The following PHLDB2 variants were observed in gnomAD, a reference collection of about 807,000 sequenced individuals.
The protein encoded by PHLDB2 is pleckstrin homology-like domain family B member 2.
Under a neutral mutation model 123.6 loss-of-function variants are expected in PHLDB2, and 71 were observed. The ratio of observed to expected loss-of-function variants is 0.57; its 90% CI spans 0.47 to 0.70. The LOEUF (loss-of-function observed/expected upper bound fraction) is 0.70, where lower values mean the gene tolerates loss of function less well. PHLDB2 is among the 30% of genes least tolerant of loss of function. PHLDB2 has a pLI of 0.00. For missense variants in PHLDB2, 1,446 were observed against 1,519.5 expected, an observed-to-expected ratio of 0.95 and a Z score of 0.80; for synonymous variants, 547 against 541.6, an observed-to-expected ratio of 1.01 and a Z score of -0.14.
intron 7 of PHLDB2, among the ~76,000 whole-genome samples, chr3:111,940,244 T>TGTAAAAAATTCATC (rs2069783372): frequency 6.6e-6 from 1 of 152,230 alleles, no homozygotes; most frequent in Admixed American, 6.5e-5. Flanking sequence ...CCCAAGATGT[T>TGTAAAAAATTCATC]GTAAAAAATT....
rs114115901 is a variant in PHLDB2, at chr3:111,901,763, T to A, written c.1336-11556T>A. On this transcript the variant is annotated intron_variant, in intron 2 of 17. Coordinates refer to ENST00000431670, the MANE Select transcript of PHLDB2 (RefSeq NM_001134438.2). The stretch of plus-strand genomic sequence containing the variant: ...TCTTTAATGGTGAAGAGCAATAGCA[T>A]AATTTCTTTAACAGAATGGGCTCAG... 1.8e-3 allele frequency among the ~76,000 whole-genome samples: 279 copies of A among 152,326 alleles called. 3 individuals are homozygous for A. Among genetic ancestry groups the A allele is most frequent in the African/African-American group, 6.4e-3 (264 of 41,574 alleles).
chr3:111,738,326 G>A (rs1412757350), intron 1 of PHLDB2, among the ~76,000 whole-genome samples: 1 of 152,048 alleles, frequency 6.6e-6, no homozygotes, highest in Non-Finnish European at 1.5e-5. Context: ...AGGCATCCTA[G>A]GCCTGACATC....
chr3:111,764,287 C>T (rs900953848), intron 1 of PHLDB2, among the ~76,000 whole-genome samples: 2 of 152,184 alleles, frequency 1.3e-5, no homozygotes, highest in African/African-American at 4.8e-5. Flanking sequence ...CAAAGAAATC[C>T]ATTAAGTAAG....
chr3:111,884,685 C>G lies in PHLDB2; in HGVS notation c.608C>G (p.Ser203Ter). 1 of 1,614,148 alleles carries G rather than the reference C, an allele frequency of 6.2e-7. No individual in the cohort carries two copies. Among genetic ancestry groups the G allele is most frequent in the South Asian group, 1.1e-5 (1 of 91,068 alleles). ...AGATCGGGAGCCGCAAGCATGCCTT[C>G]AAGCCCAAAGCAAGCCAGGAAAATG... ...ISRSGAASMPSSPKQARKMSI... is the reference protein window; with the variant it reads ...ISRSGAASMP The change falls in exon 2 of 18, where the codon TCA becomes TGA. Residue 203 changes from serine (S) to a stop codon, truncating the protein, a stop_gained. Transcript: ENST00000431670. LOFTEE classifies it high-confidence loss of function.
intron 1 of PHLDB2, among the ~76,000 whole-genome samples, chr3:111,818,394 T>C (rs2062202019): frequency 6.6e-6 from 1 of 152,184 alleles, no homozygotes; most frequent in Non-Finnish European, 1.5e-5. Context: ...TACTTGACCC[T>C]CTTCCCTAAC....
chr3:111,889,703 A>G (rs2066370244), intron 2 of PHLDB2, among the ~76,000 whole-genome samples: 1 of 152,202 alleles, frequency 6.6e-6, no homozygotes, highest in Admixed American at 6.5e-5. Flanking sequence ...CCCCATCATT[A>G]AAATAAGCAC....
intron 5 of PHLDB2, among the ~76,000 whole-genome samples, chr3:111,921,665 G>A (rs909423642): frequency 6.7e-6 from 1 of 148,492 alleles, no homozygotes; most frequent in Non-Finnish European, 1.5e-5. Flanking sequence ...GTGCAGTGGC[G>A]CAATCTCAGC....
chr3:111,747,753 G>A (rs566044145), intron 1 of PHLDB2, among the ~76,000 whole-genome samples: 6 of 152,324 alleles, frequency 3.9e-5, no homozygotes, highest in Admixed American at 2.0e-4. Flanking sequence ...TCTGACTCAT[G>A]CATCAATACC....
At chr3:111,755,063 T>C (rs1387300075) in intron 1 of PHLDB2, among the ~76,000 whole-genome samples, 1 of 151,958 alleles carries the variant, frequency 6.6e-6, no homozygotes, top group Non-Finnish European at 1.5e-5. Flanking sequence ...CAGTATTTTA[T>C]TGAGGATTTT....
intron 8 of PHLDB2, among the ~76,000 whole-genome samples, chr3:111,941,613 TC>T (rs2069889295): frequency 6.6e-6 from 1 of 152,074 alleles, no homozygotes; most frequent in South Asian, 2.1e-4. Context: ...TCAAGACCAG[TC>T]TGGCCAACAT....
chr3:111,747,709 G>C (rs1189141618), intron 1 of PHLDB2, among the ~76,000 whole-genome samples: 2 of 152,194 alleles, frequency 1.3e-5, no homozygotes, highest in African/African-American at 2.4e-5. Flanking sequence ...TTGCCTACAA[G>C]TTCCACTTCT....
At chr3:111,864,529 G>C (rs887879579) in intron 1 of PHLDB2, among the ~76,000 whole-genome samples, 1 of 152,164 alleles carries the variant, frequency 6.6e-6, no homozygotes, top group African/African-American at 2.4e-5. Context: ...TGCAGAAAAG[G>C]AGCTTTGTGC....
chr3:111,868,806 G>A (rs968686098), intron 1 of PHLDB2, among the ~76,000 whole-genome samples: 1 of 152,136 alleles, frequency 6.6e-6, no homozygotes, highest in Non-Finnish European at 1.5e-5. Flanking sequence ...GTTTATTGAG[G>A]TTGCTTCTGC....
intron 1 of PHLDB2, among the ~76,000 whole-genome samples, chr3:111,845,354 C>CAAAAAA (rs745585464): frequency 3.3e-4 from 13 of 39,162 alleles, no homozygotes; most frequent in African/African-American, 1.1e-3. Flanking sequence ...GACTCTGTCT[C>CAAAAAA]AAAAAAAAAA....
At chr3:111,957,129 C>T (rs531031556) in intron 12 of PHLDB2, 6 of 152,774 alleles carry the variant, frequency 3.9e-5, no homozygotes, top group Admixed American at 1.3e-4. Context: ...AGAAACTCAG[C>T]TTCTGAAGTT....
At chr3:111,940,888 G>A (rs941445482) in intron 8 of PHLDB2, among the ~76,000 whole-genome samples, 1 of 152,060 alleles carries the variant, frequency 6.6e-6, no homozygotes, top group Non-Finnish European at 1.5e-5. Flanking sequence ...AAATCTTAAC[G>A]ATGGAAAGTC....
rs1207869879 is a variant in PHLDB2, at chr3:111,859,447, C to T, written c.-144C>T. The T allele has an allele frequency of 3.0e-6, 3 of 985,460 alleles. No homozygotes were observed. The South Asian group carries it at 1.4e-4, about 46-fold the overall frequency. 61.0% of individuals were successfully genotyped at this position (985,460 alleles called of 1,614,324 possible). On this transcript the variant is annotated 5_prime_UTR_variant, in exon 1 of 18. Coordinates refer to ENST00000431670, the MANE Select transcript of PHLDB2 (RefSeq NM_001134438.2). ...GTGGTTACAAAGGGGGTCAAGAGTGCCGGACCCAGCCGCGCGGAGCCCACC... is the reference window on the plus strand; with the variant it reads ...GTGGTTACAAAGGGGGTCAAGAGTGTCGGACCCAGCCGCGCGGAGCCCACC...
At chr3:111,756,924 A>T (rs1396522818) in intron 1 of PHLDB2, among the ~76,000 whole-genome samples, 1 of 152,096 alleles carries the variant, frequency 6.6e-6, no homozygotes, top group East Asian at 1.9e-4. Context: ...GTTTGGCTGG[A>T]TATGAAATTC....
intron 2 of PHLDB2, among the ~76,000 whole-genome samples, chr3:111,886,250 T>C (rs980477328): frequency 6.6e-6 from 1 of 152,194 alleles, no homozygotes; most frequent in Non-Finnish European, 1.5e-5. Flanking sequence ...ACAGTAGGAT[T>C]ATCAGTGTTT....
Sources: allele counts gnomAD v4.1 joint callset (sites outside exome capture counted in the v4.1 genomes callset), GRCh38; gene constraint gnomAD v4.1.1; transcripts MANE v1.5; gene names NCBI Gene and HGNC (gene_info 2026-07-23, HGNC 2026-07-21).